The following RNF150 variants were observed in gnomAD, a reference collection of about 807,000 sequenced individuals.
RNF150 encodes ring finger protein 150.
A neutral mutation model predicts 39.3 loss-of-function variants in RNF150; 24 were observed. The observed-to-expected ratio is 0.61, with a 90% CI of 0.44 to 0.86. The LOEUF (loss-of-function observed/expected upper bound fraction) is 0.86, where lower values mean the gene tolerates loss of function less well. Ranked by LOEUF, RNF150 falls within the 40% of genes least tolerant of loss-of-function variation. The probability of loss-of-function intolerance (pLI) is 0.00; values close to 1 mark genes in which losing one functional copy is unlikely to be tolerated. For synonymous variants in RNF150, 255 were observed against 227.3 expected (o/e 1.12, Z -1.10); for missense variants, 502 against 587.8 (o/e 0.85, Z 1.51).
chr4:141,014,099 G>A (rs573495201), intron 1 of RNF150, among the ~76,000 whole-genome samples: 3 of 151,828 alleles, frequency 2.0e-5, no homozygotes, highest in African/African-American at 7.3e-5. Flanking sequence ...CTGTCTTTCC[G>A]TGCCTGGCTT....
chr4:141,159,824 G>A (rs189763993), intron 1 of RNF150, among the ~76,000 whole-genome samples: 1 of 152,292 alleles, frequency 6.6e-6, no homozygotes, highest in Non-Finnish European at 1.5e-5. Flanking sequence ...GATTACAGGT[G>A]TGAGCCACTG....
chr4:141,017,270 T>C (rs999708829), intron 1 of RNF150, among the ~76,000 whole-genome samples: 12 of 152,178 alleles, frequency 7.9e-5, no homozygotes, highest in African/African-American at 2.9e-4. Flanking sequence ...GGTACCACTA[T>C]TATTTTAGTC....
At chr4:141,052,689 T>C (rs184902120) in intron 1 of RNF150, among the ~76,000 whole-genome samples, 1 of 152,140 alleles carries the variant, frequency 6.6e-6, no homozygotes, top group Non-Finnish European at 1.5e-5. Flanking sequence ...ACAAAATCTT[T>C]AAATATGAAA....
chr4:140,876,237 T>C (rs796421596), intron 6 of RNF150, among the ~76,000 whole-genome samples: 4 of 152,336 alleles, frequency 2.6e-5, no homozygotes, highest in African/African-American at 9.6e-5. Flanking sequence ...AAGAGCACTA[T>C]AGGGAAGGCA....
intron 1 of RNF150, among the ~76,000 whole-genome samples, chr4:141,196,191 G>A (rs1266741485): frequency 6.6e-6 from 1 of 152,120 alleles, no homozygotes. Flanking sequence ...TCTGGCAGGT[G>A]TTTTTACCAT....
At chr4:141,008,252 C>A (rs1371685845) in intron 1 of RNF150, among the ~76,000 whole-genome samples, 2 of 152,010 alleles carry the variant, frequency 1.3e-5, no homozygotes, top group Non-Finnish European at 1.5e-5. Flanking sequence ...TCATATAGGG[C>A]CTAAGTCATT....
intron 4 of RNF150, among the ~76,000 whole-genome samples, chr4:140,941,922 C>T (rs1388097128): frequency 3.9e-5 from 6 of 152,130 alleles, no homozygotes; most frequent in African/African-American, 9.7e-5. Flanking sequence ...TAAGTTCCTT[C>T]ATTGACATTT....
At position 140,896,687 on chromosome 4, in the gene RNF150, T is replaced by A. The variant is rs932832422; in HGVS notation, c.1198+14457A>T. 8.3e-4 allele frequency among the ~76,000 whole-genome samples: 66 copies of A among 79,234 alleles called. 1 individual carries two copies. Among genetic ancestry groups the A allele is most frequent in the Non-Finnish European group, 1.0e-3 (41 of 39,258 alleles). 52.0% of individuals were successfully genotyped at this position (79,234 alleles called of 152,430 possible). ...ATGTACCCTAAAACTTAGAGTATAA[T>A]AAAAAAAAAAAAACAAAAAAACAAA... On this transcript the variant is annotated intron_variant, in intron 6 of 6. Coordinates refer to ENST00000515673, the MANE Select transcript of RNF150 (RefSeq NM_020724.2).
At chr4:141,120,718 G>C (rs1398211326) in intron 1 of RNF150, among the ~76,000 whole-genome samples, 3 of 152,198 alleles carry the variant, frequency 2.0e-5, no homozygotes, top group African/African-American at 7.2e-5. Context: ...AGTAGTAAGT[G>C]AGGGAAGTGG....
At chr4:141,012,500 A>G (rs376252555) in intron 1 of RNF150, among the ~76,000 whole-genome samples, 1 of 152,304 alleles carries the variant, frequency 6.6e-6, no homozygotes, top group Non-Finnish European at 1.5e-5. Context: ...ATACATATAT[A>G]TTAAATATCA....
At position 140,867,158 on chromosome 4, in the gene RNF150, G is replaced by A. The variant is rs924510884; in HGVS notation, c.*1103C>T. 3.3e-5 allele frequency: 5 copies of A among 152,280 alleles called. No homozygotes were observed. Among genetic ancestry groups the A allele is most frequent in the African/African-American group, 9.6e-5 (4 of 41,566 alleles). The allele number at this position is 152,280 out of a possible 1,614,324, so 9.4% of individuals were successfully genotyped here. ...GGATTCACCTAAATCCTCCCACATG[G>A]TCTGGTGAGATTCAACAGAAGTGTG... On this transcript the variant is annotated 3_prime_UTR_variant, in exon 7 of 7. Transcript: ENST00000515673.
intron 2 of RNF150, among the ~76,000 whole-genome samples, chr4:140,953,344 A>G (rs1249978651): frequency 6.6e-6 from 1 of 152,200 alleles, no homozygotes; most frequent in Admixed American, 6.5e-5. Flanking sequence ...TCTGCATGTT[A>G]TTGATAAATG....
intron 1 of RNF150, among the ~76,000 whole-genome samples, chr4:141,078,475 A>T (rs1035051392): frequency 1.3e-5 from 2 of 151,970 alleles, no homozygotes; most frequent in African/African-American, 4.8e-5. Flanking sequence ...AGTCTGTGTT[A>T]GTTTTTTTAA....
At chr4:140,934,826 C>T (rs893147406) in intron 4 of RNF150, among the ~76,000 whole-genome samples, 2 of 150,786 alleles carry the variant, frequency 1.3e-5, no homozygotes, top group Non-Finnish European at 2.9e-5. Context: ...TACTTTGGGC[C>T]CTGGGACCAA....
At chr4:140,934,233 C>T (rs1731752997) in intron 4 of RNF150, among the ~76,000 whole-genome samples, 1 of 152,170 alleles carries the variant, frequency 6.6e-6, no homozygotes, top group South Asian at 2.1e-4. Flanking sequence ...TGGTCTGGAA[C>T]TCCTGATCTC....
intron 1 of RNF150, among the ~76,000 whole-genome samples, chr4:141,051,572 G>A (rs2110891363): frequency 1.3e-5 from 2 of 152,234 alleles, no homozygotes; most frequent in Middle Eastern, 6.8e-3. Context: ...AGTCTCTAGG[G>A]CAGGCGCAAA....
At chr4:140,959,960 T>C (rs530903137) in intron 2 of RNF150, among the ~76,000 whole-genome samples, 1 of 152,246 alleles carries the variant, frequency 6.6e-6, no homozygotes, top group Non-Finnish European at 1.5e-5. Context: ...AATTTTAGTG[T>C]CATCTGTATT....
chr4:140,885,403 A>G (rs1173474554), intron 6 of RNF150, among the ~76,000 whole-genome samples: 1 of 138,900 alleles, frequency 7.2e-6, no homozygotes. Context: ...ATTATAAAAG[A>G]GTACATATAT....
intron 1 of RNF150, among the ~76,000 whole-genome samples, chr4:141,050,318 C>T (rs1041604805): frequency 2.0e-5 from 3 of 152,026 alleles, no homozygotes; most frequent in African/African-American, 7.2e-5. Flanking sequence ...CCATATCATT[C>T]CACTCCTGGC....
Sources: allele counts gnomAD v4.1 joint callset (sites outside exome capture counted in the v4.1 genomes callset), GRCh38; gene constraint gnomAD v4.1.1; transcripts MANE v1.5; gene names NCBI Gene and HGNC (gene_info 2026-07-23, HGNC 2026-07-21).